NR6A1: variants seen among roughly 807,000 people sequenced by gnomAD.
The protein encoded by NR6A1 is retinoic acid receptor-related testis-associated receptor.
Under a neutral mutation model 59.1 loss-of-function variants are expected in NR6A1, and 7 were observed. That is an observed-to-expected ratio of 0.12 (90% CI 0.07 to 0.22). NR6A1 has a LOEUF of 0.22. NR6A1 is among the 10% of genes least tolerant of loss of function. The pLI, the probability that NR6A1 is intolerant of heterozygous loss-of-function variation, is 1.00. For missense variants in NR6A1, 468 were observed against 611.6 expected, an observed-to-expected ratio of 0.77 and a Z score of 2.48; for synonymous variants, 243 against 236.1, an observed-to-expected ratio of 1.03 and a Z score of -0.27.
chr9:124,717,520 T>C (rs962519039), intron 2 of NR6A1, among the ~76,000 whole-genome samples: 4 of 152,176 alleles, frequency 2.6e-5, no homozygotes, highest in African/African-American at 9.7e-5. Context: ...GCAAAACTAA[T>C]CTATCATGAT....
chr9:124,529,749 A>G (rs1221474978), intron 7 of NR6A1, among the ~76,000 whole-genome samples: 5 of 152,172 alleles, frequency 3.3e-5, no homozygotes, highest in Admixed American at 6.5e-5. Flanking sequence ...CAGTGCACAG[A>G]ACTGCCACTG....
At position 124,584,363 on chromosome 9, in the gene NR6A1, C is replaced by T. The variant is rs570680859; in HGVS notation, c.143-29793G>A. On this transcript the variant is annotated intron_variant, in intron 2 of 9. Coordinates refer to ENST00000487099, the MANE Select transcript of NR6A1 (RefSeq NM_033334.4). Reference sequence around the variant, plus strand: ...GTCATGATCTGCCCTCCTCGGCCTCCCAAAGTGCTGGGATTACAGTGTGAG... The same window carrying T: ...GTCATGATCTGCCCTCCTCGGCCTCTCAAAGTGCTGGGATTACAGTGTGAG... Among the ~76,000 whole-genome samples the T allele has an allele frequency of 1.1e-3, 175 of 152,194 alleles. 2 individuals carry two copies. Among genetic ancestry groups the T allele is most frequent in the African/African-American group, 3.9e-3 (161 of 41,522 alleles).
chr9:124,641,964 A>G (rs1439174614), intron 2 of NR6A1, among the ~76,000 whole-genome samples: 1 of 152,204 alleles, frequency 6.6e-6, no homozygotes, highest in Non-Finnish European at 1.5e-5. Context: ...TAGGTTGCCT[A>G]TCATGGCCCA....
At chr9:124,606,624 C>T (rs1835582520) in intron 2 of NR6A1, among the ~76,000 whole-genome samples, 1 of 152,190 alleles carries the variant, frequency 6.6e-6, no homozygotes, top group Non-Finnish European at 1.5e-5. Context: ...CTTCAATTCT[C>T]CTAAGTCTGT....
intron 2 of NR6A1, among the ~76,000 whole-genome samples, chr9:124,580,775 G>A (rs1425429486): frequency 3.9e-5 from 6 of 151,980 alleles, no homozygotes; most frequent in Non-Finnish European, 8.8e-5. Context: ...AGCCAAGATC[G>A]CGCCACTGTA....
chr9:124,599,694 G>T (rs1835395444), intron 2 of NR6A1: 1 of 688,144 alleles, frequency 1.5e-6, no homozygotes, highest in Non-Finnish European at 2.0e-6. Flanking sequence ...TCCAAATTAT[G>T]AATGGCAGAA....
intron 7 of NR6A1, among the ~76,000 whole-genome samples, chr9:124,529,274 T>C (rs892557607): frequency 1.3e-5 from 2 of 152,228 alleles, no homozygotes; most frequent in African/African-American, 4.8e-5. Context: ...GTATTCTACA[T>C]TTAATCTTAT....
At chr9:124,712,898 A>C (rs1839318087) in intron 2 of NR6A1, among the ~76,000 whole-genome samples, 1 of 152,224 alleles carries the variant, frequency 6.6e-6, no homozygotes, top group Non-Finnish European at 1.5e-5. Context: ...ATTAATTATT[A>C]ATCTGAAAAC....
rs533602922 is a variant in NR6A1 at position 124,581,779 on chromosome 9, G to A, written c.143-27209C>T. 8.5e-4 allele frequency among the ~76,000 whole-genome samples: 129 copies of A among 152,030 alleles called. 1 individual carries two copies. In the South Asian group the frequency reaches 0.016, roughly 19 times the overall value. ...AAGTGGGCCGAGGATATGAACAGAC[G>A]CTTCTCAAAAGAAGACATTTATGAG... On this transcript the variant is annotated intron_variant, in intron 2 of 9. Transcript: ENST00000487099.
At chr9:124,640,331 A>C (rs1836734498) in intron 2 of NR6A1, among the ~76,000 whole-genome samples, 1 of 152,214 alleles carries the variant, frequency 6.6e-6, no homozygotes, top group Admixed American at 6.5e-5. Flanking sequence ...TCTTTTGAAT[A>C]AAAGGGATGT....
chr9:124,591,199 T>C (rs1835112352), intron 2 of NR6A1, among the ~76,000 whole-genome samples: 1 of 152,246 alleles, frequency 6.6e-6, no homozygotes. Flanking sequence ...AATTCTCTTT[T>C]TCTTAATTTC....
chr9:124,625,666 C>CT (rs1836218278), intron 2 of NR6A1, among the ~76,000 whole-genome samples: 1 of 152,108 alleles, frequency 6.6e-6, no homozygotes, highest in Admixed American at 6.5e-5. Context: ...ACTTGCTTGG[C>CT]TGGGCCACAG....
chr9:124,616,618 A>G (rs775598578), intron 2 of NR6A1, among the ~76,000 whole-genome samples: 25 of 152,250 alleles, frequency 1.6e-4, no homozygotes, highest in Non-Finnish European at 2.1e-4. Context: ...ATACTTATAC[A>G]CACACATATA....
chr9:124,547,455 G>A (rs1371744378), intron 3 of NR6A1, among the ~76,000 whole-genome samples: 1 of 152,066 alleles, frequency 6.6e-6, no homozygotes, highest in Non-Finnish European at 1.5e-5. Context: ...CTATTTGTTA[G>A]TCTTTAAACA....
At chr9:124,722,627 T>A (rs1564254055) in intron 2 of NR6A1, among the ~76,000 whole-genome samples, 1 of 152,212 alleles carries the variant, frequency 6.6e-6, no homozygotes, top group Non-Finnish European at 1.5e-5. Flanking sequence ...ATTTTTTATC[T>A]TGTTTTTTTC....
chr9:124,561,063 C>T (rs1834072149), intron 2 of NR6A1, among the ~76,000 whole-genome samples: 1 of 151,966 alleles, frequency 6.6e-6, no homozygotes, highest in Non-Finnish European at 1.5e-5. Flanking sequence ...TAAGAGTGAG[C>T]ACTTAGATGT....
chr9:124,676,404 G>T (rs968390901), intron 2 of NR6A1, among the ~76,000 whole-genome samples: 47 of 151,920 alleles, frequency 3.1e-4, no homozygotes, highest in African/African-American at 1.0e-3. Context: ...GCATAGTTCT[G>T]ATGTGGTCTG....
chr9:124,582,558 T>C (rs542397707), intron 2 of NR6A1, among the ~76,000 whole-genome samples: 1 of 151,522 alleles, frequency 6.6e-6, no homozygotes, highest in African/African-American at 2.4e-5. Flanking sequence ...ATCCTGCACA[T>C]GTACCCCTGA....
chr9:124,611,749 T>TAGAGAGAG (rs34197337), intron 2 of NR6A1, among the ~76,000 whole-genome samples: 37 of 91,490 alleles, frequency 4.0e-4, no homozygotes, highest in East Asian at 8.7e-4. Flanking sequence ...GACCCTGTCT[T>TAGAGAGAG]AGAGAGAGAG....
Sources: gnomAD v4.1 joint callset for allele counts (sites outside exome capture counted in the v4.1 genomes callset) on GRCh38, gnomAD v4.1.1 for gene constraint, MANE v1.5 for transcripts, NCBI Gene and HGNC (gene_info 2026-07-23, HGNC 2026-07-21) for gene names.